Variants in MAP2K4 observed in about 807,000 individuals in gnomAD.
MAP2K4 encodes the protein dual specificity mitogen-activated protein kinase kinase 4.
A neutral mutation model predicts 48.5 loss-of-function variants in MAP2K4; 4 were observed. The observed-to-expected ratio is 0.08, with a 90% CI of 0.04 to 0.19. The LOEUF is 0.19. Among genes scored for constraint, MAP2K4 ranks in the 10% least tolerant of loss-of-function variants. The pLI is 1.00. For missense variants in MAP2K4, 258 were observed against 493.3 expected (o/e 0.52, Z 4.52); for synonymous variants, 166 against 173.1 (o/e 0.96, Z 0.32).
At chr17:12,137,290 G>C (rs1316073690) in intron 9 of MAP2K4, among the ~76,000 whole-genome samples, 1 of 152,188 alleles carries the variant, frequency 6.6e-6, no homozygotes, top group Non-Finnish European at 1.5e-5. Context: ...TGCTAAGAAA[G>C]CATTTAACAA....
intron 2 of MAP2K4, 84 bp downstream of exon 2, chr17:12,055,075 T>A (rs1395269207): frequency 5.1e-6 from 4 of 788,448 alleles, no homozygotes; most frequent in Non-Finnish European, 8.3e-6. Flanking sequence ...AATTATGAGA[T>A]GTCAGTATAA....
At chr17:12,041,165 A>AGTT (rs756444624) in intron 1 of MAP2K4, among the ~76,000 whole-genome samples, 6 of 152,214 alleles carry the variant, frequency 3.9e-5, no homozygotes, top group Non-Finnish European at 7.3e-5. Context: ...GGCAGCAAAT[A>AGTT]GTTTTTTATT....
chr17:12,088,052 ATGGTTTCTAGGATTTTCCAACTT>A (rs1187391821), intron 3 of MAP2K4, among the ~76,000 whole-genome samples: 6 of 152,162 alleles, frequency 3.9e-5, no homozygotes, highest in Admixed American at 3.3e-4. Flanking sequence ...ATGTGCTGCT[ATGGTTTCTAGGATTTTCCAACTT>A]TGGTTTCTAG....
chr17:12,027,267 A>G (rs1969282571), intron 1 of MAP2K4, among the ~76,000 whole-genome samples: 1 of 152,170 alleles, frequency 6.6e-6, no homozygotes, highest in Admixed American at 6.5e-5. Flanking sequence ...AGTTTACACA[A>G]CTCAAGGTGG....
chr17:12,113,128 ACCACTT>A, intron 6 of MAP2K4, 99 bp from the exon 7 acceptor site: 4 of 924,788 alleles, frequency 4.3e-6, no homozygotes, highest in Non-Finnish European at 6.5e-6. Flanking sequence ...TAAGGACTTG[ACCACTT>A]ATGTTGTCTA....
chr17:12,080,257 CTT>C (rs1377981942), intron 2 of MAP2K4, among the ~76,000 whole-genome samples: 1 of 152,134 alleles, frequency 6.6e-6, no homozygotes, highest in Non-Finnish European at 1.5e-5. Context: ...AGCACATAAA[CTT>C]TGCTTGTTTG....
chr17:12,040,235 T>C (rs985682522), intron 1 of MAP2K4, among the ~76,000 whole-genome samples: 1 of 152,174 alleles, frequency 6.6e-6, no homozygotes, highest in Non-Finnish European at 1.5e-5. Flanking sequence ...TTCAGACATA[T>C]GTGGGCTTTG....
At chr17:12,058,307 C>G (rs1970347908) in intron 2 of MAP2K4, among the ~76,000 whole-genome samples, 1 of 151,212 alleles carries the variant, frequency 6.6e-6, no homozygotes, top group Non-Finnish European at 1.5e-5. Flanking sequence ...TCCAGGGATC[C>G]TCCCGCCTCA....
At chr17:12,116,757 C>T (rs776511180) in intron 7 of MAP2K4, among the ~76,000 whole-genome samples, 3 of 152,238 alleles carry the variant, frequency 2.0e-5, no homozygotes, top group Admixed American at 6.5e-5. Context: ...GAGCTGTCAT[C>T]TCCTATGATA....
intron 8 of MAP2K4, 105 bp downstream of exon 8, chr17:12,125,476 A>C: frequency 1.2e-6 from 1 of 854,784 alleles, no homozygotes; most frequent in Non-Finnish European, 2.0e-6. Flanking sequence ...AACTATAATC[A>C]CAGACACTAT....
At chr17:12,069,890 C>CATAT (rs56309746) in intron 2 of MAP2K4, 24 of 182,194 alleles carry the variant, frequency 1.3e-4, no homozygotes, top group African/African-American at 2.3e-4. Flanking sequence ...GAAGATTAGT[C>CATAT]ATATATATAT....
intron 1 of MAP2K4, among the ~76,000 whole-genome samples, chr17:12,045,515 T>C (rs953486016): frequency 6.6e-6 from 1 of 152,240 alleles, no homozygotes; most frequent in African/African-American, 2.4e-5. Flanking sequence ...ACAAGCCTTA[T>C]GACTTTTCTT....
intron 9 of MAP2K4, among the ~76,000 whole-genome samples, chr17:12,135,633 T>A (rs1285899270): frequency 6.6e-6 from 1 of 152,054 alleles, no homozygotes; most frequent in Non-Finnish European, 1.5e-5. Flanking sequence ...CACTGCAGCC[T>A]CCACCTCCCA....
chr17:12,064,357 C>T (rs1970549704), intron 2 of MAP2K4, among the ~76,000 whole-genome samples: 1 of 152,134 alleles, frequency 6.6e-6, no homozygotes. Flanking sequence ...GCTAGTATTA[C>T]AGGCATTGAG....
Position 12,081,203 on chromosome 17 carries a change from C to G in MAP2K4, c.219-153C>G, listed in dbSNP as rs1971176334. ...CATTCTTAATCCAGTGTGTAAAAAA[C>G]CAGGATGACACAAATGAAAAACTTC... On this transcript the variant is annotated intron_variant, in intron 2 of 10. Coordinates refer to ENST00000353533, the MANE Select transcript of MAP2K4 (RefSeq NM_003010.4). This position sits in a 1 kb window ranked among gnomAD's most constrained non-coding sequence, Gnocchi z 4.2. Among the ~76,000 whole-genome samples the G allele has an allele frequency of 6.6e-6, 1 of 152,126 alleles. No individual in the cohort carries two copies. The highest frequency in any genetic ancestry group is 2.1e-4 in the South Asian group (1 of 4,832).
chr17:12,033,196 A>G lies in MAP2K4; in HGVS notation c.115+12195A>G, dbSNP rs138278076. ...TATCAAGTACAGTTAAAAAAATCTC[A>G]TCTCAAGGAGACTACTCTCCAGTTA... On this transcript the variant is annotated intron_variant, in intron 1 of 10. Coordinates refer to ENST00000353533, the MANE Select transcript of MAP2K4 (RefSeq NM_003010.4). Among the ~76,000 whole-genome samples the G allele has an allele frequency of 2.0e-5, 3 of 152,254 alleles. No individual in the cohort carries two copies. In the East Asian group the frequency reaches 5.8e-4, roughly 29 times the overall value.
chr17:12,141,089 T>C (rs1973364558), intron 10 of MAP2K4, 58 bp from the exon 11 acceptor site: 1 of 1,025,752 alleles, frequency 9.7e-7, no homozygotes, highest in Admixed American at 1.7e-5. Context: ...AATTGGAAAA[T>C]GTTCAGTTTG....
intron 2 of MAP2K4, among the ~76,000 whole-genome samples, chr17:12,056,315 A>C (rs1970281250): frequency 6.9e-6 from 1 of 145,976 alleles, no homozygotes; most frequent in Admixed American, 6.8e-5. Context: ...AAAAACATTC[A>C]TCTATTTGTA....
At chr17:12,109,514 G>T (rs1972236549) in intron 5 of MAP2K4, among the ~76,000 whole-genome samples, 1 of 152,180 alleles carries the variant, frequency 6.6e-6, no homozygotes, top group Non-Finnish European at 1.5e-5. Flanking sequence ...TAGTTGGCCT[G>T]TTGTTTAGTT....
Sources: gnomAD v4.1 joint callset for allele counts (sites outside exome capture counted in the v4.1 genomes callset) on GRCh38, gnomAD v4.1.1 for gene constraint, Gnocchi (gnomAD v3.1) non-coding constraint, MANE v1.5 for transcripts, NCBI Gene and HGNC (gene_info 2026-07-23, HGNC 2026-07-21) for gene names.